SLC17A4: variants seen among roughly 807,000 people sequenced by gnomAD.
The protein encoded by SLC17A4 is solute carrier family 17 member 4.
A neutral mutation model predicts 52.5 loss-of-function variants in SLC17A4; 33 were observed. The ratio of observed to expected loss-of-function variants is 0.63; its 90% CI spans 0.48 to 0.84. SLC17A4 has a LOEUF of 0.84. Among genes scored for constraint, SLC17A4 ranks in the 40% least tolerant of loss-of-function variants. The pLI is 0.00. For synonymous variants in SLC17A4, 225 were observed against 216.2 expected, an observed-to-expected ratio of 1.04 and a Z score of -0.36; for missense variants, 585 against 597.1, an observed-to-expected ratio of 0.98 and a Z score of 0.21.
chr6:25,776,103 T>C (rs768547088), intron 8 of SLC17A4, among the ~76,000 whole-genome samples: 6 of 152,078 alleles, frequency 3.9e-5, no homozygotes, highest in Non-Finnish European at 8.8e-5. Context: ...GCACCAGTAA[T>C]ATTTGTGAGA....
rs926259999 is a variant in SLC17A4, at chr6:25,759,012, G to C, written c.-36-2915G>C. 2.0e-5 allele frequency among the ~76,000 whole-genome samples: 3 copies of C among 152,134 alleles called. No homozygotes were observed. In the East Asian group the frequency reaches 5.8e-4, roughly 29 times the overall value. On this transcript the variant is annotated intron_variant, in intron 1 of 11. Coordinates refer to ENST00000377905, the MANE Select transcript of SLC17A4 (RefSeq NM_005495.3). ...TAGGTTATGTCACGGTTGTCGTTCA[G>C]TTCAAAGAATTTTTTAATTTTCATC...
At chr6:25,760,718 T>G (rs1761457174) in intron 1 of SLC17A4, among the ~76,000 whole-genome samples, 1 of 152,216 alleles carries the variant, frequency 6.6e-6, no homozygotes, top group Non-Finnish European at 1.5e-5. Flanking sequence ...CCGTTGATTT[T>G]GCTAATTCTT....
chr6:25,773,622 T>C lies in SLC17A4; in HGVS notation c.935T>C (p.Met312Thr), dbSNP rs780533228. The change falls in exon 8 of 12, where the codon ATG becomes ACG. Residue 312 changes from methionine (M) to threonine (T), a missense_variant. Coordinates refer to ENST00000377905, the MANE Select transcript of SLC17A4 (RefSeq NM_005495.3). ...GAATACTGGCTTTTTTATACCATTA[T>C]GGCGTACACACCAACGTACATCAGC... is the stretch of plus-strand genomic sequence containing the variant. The part of the protein sequence containing the change: ...FCEYWLFYTI[M>T]AYTPTYISSV... The C allele has an allele frequency of 1.9e-6, 3 of 1,613,864 alleles. No homozygotes were observed. Among genetic ancestry groups the C allele is most frequent in the East Asian group, 2.2e-5 (1 of 44,886 alleles).
In SLC17A4 at chr6:25,769,159, G is replaced by A; in HGVS notation, c.266G>A (p.Trp89Ter). ...ERPSTDSQGY[W>*]NETLKEFKAM... ...CCCTCCACTGACTCCCAGGGCTACT[G>A]GAATGAAACTCTAAAAGAATTTAAA... The change falls in exon 3 of 12, where the codon TGG (tryptophan) becomes TAG (stop). Residue 89 changes from tryptophan (W) to a stop codon, truncating the protein, a stop_gained. Coordinates refer to ENST00000377905, the MANE Select transcript of SLC17A4 (RefSeq NM_005495.3). LOFTEE classifies it high-confidence loss of function. 6.2e-7 allele frequency: 1 copy of A among 1,613,924 alleles called. No homozygotes were observed. The highest frequency in any genetic ancestry group is 1.7e-4 in the Middle Eastern group (1 of 6,060).
chr6:25,769,518 A>C (rs1050318335), intron 3 of SLC17A4, among the ~76,000 whole-genome samples: 1 of 151,858 alleles, frequency 6.6e-6, no homozygotes, highest in African/African-American at 2.4e-5. Flanking sequence ...AGATCGTGCC[A>C]CTGCACTCCG....
chr6:25,754,811 A>G (rs1760862871), intron 1 of SLC17A4, 30 bp downstream of exon 1: 1 of 152,112 alleles, frequency 6.6e-6, no homozygotes, highest in East Asian at 1.9e-4. Context: ...TTTACCCTTA[A>G]TATTCTGCTT....
chr6:25,769,727 A>T (rs977151800), intron 3 of SLC17A4, among the ~76,000 whole-genome samples: 1 of 152,148 alleles, frequency 6.6e-6, no homozygotes, highest in Non-Finnish European at 1.5e-5. Flanking sequence ...TACAATGATG[A>T]AAATCACTAC....
chr6:25,760,444 G>A (rs1761435377), intron 1 of SLC17A4, among the ~76,000 whole-genome samples: 1 of 151,982 alleles, frequency 6.6e-6, no homozygotes, highest in African/African-American at 2.4e-5. Context: ...ATATGTTTAG[G>A]TGTAAATTTC....
At chr6:25,770,811 A>G in intron 5 of SLC17A4, 115 bp from the exon 6 acceptor site, 1 of 796,294 alleles carries the variant, frequency 1.3e-6, no homozygotes, top group Non-Finnish European at 2.2e-6. Flanking sequence ...AGGAACCTAG[A>G]TAGTTTGGCT....
At chr6:25,763,106 T>C (rs1325158947) in intron 2 of SLC17A4, among the ~76,000 whole-genome samples, 4 of 152,202 alleles carry the variant, frequency 2.6e-5, no homozygotes, top group Non-Finnish European at 5.9e-5. Flanking sequence ...TGGGCAGTCA[T>C]TGGAAAGTTC....
rs890408181 is a variant in SLC17A4 at position 25,759,069 on chromosome 6, G to T, written c.-36-2858G>T. The stretch of plus-strand genomic sequence containing the variant: ...TCATTGTTGAGCCAATGATCATTTA[G>T]GAGCAGCTTATTTAATTTCCATGTA... On this transcript the variant is annotated intron_variant, in intron 1 of 11. Transcript: ENST00000377905. Among the ~76,000 whole-genome samples, 5 of 152,230 alleles carry T rather than the reference G, an allele frequency of 3.3e-5. No homozygotes were observed. The East Asian group carries it at 9.7e-4, about 29-fold the overall frequency.
intron 2 of SLC17A4, among the ~76,000 whole-genome samples, chr6:25,762,598 G>A (rs189185894): frequency 7.9e-5 from 12 of 152,182 alleles, no homozygotes; most frequent in Admixed American, 7.2e-4. Context: ...TTCTTTTAAG[G>A]ATATAGTCAT....
chr6:25,777,766 C>T (rs116126003), intron 10 of SLC17A4, 160 bp from the exon 11 acceptor site: 6,329 of 608,732 alleles, frequency 0.01, 149 homozygotes, highest in East Asian at 0.075. Flanking sequence ...CCAAGGCTTA[C>T]ACAATTCCAG....
intron 2 of SLC17A4, among the ~76,000 whole-genome samples, chr6:25,768,745 C>T (rs909003298): frequency 5.9e-5 from 9 of 152,146 alleles, no homozygotes; most frequent in African/African-American, 2.2e-4. Flanking sequence ...AAGCTCTCCC[C>T]TAATGCTTGT....
chr6:25,779,266 G>A lies in SLC17A4; in HGVS notation c.*78G>A, dbSNP rs980765541. ...TCACAGACATTTCTCTTTCATGCCT[G>A]CTTGACTGATAAGCCATTAGCTAGA... On this transcript the variant is annotated 3_prime_UTR_variant, in exon 12 of 12. Transcript: ENST00000377905. 1.2e-5 allele frequency: 19 copies of A among 1,574,932 alleles called. No homozygotes were observed. In the African/African-American group the frequency reaches 2.0e-4, roughly 17 times the overall value.
chr6:25,777,010 A>T, intron 10 of SLC17A4, 51 bp downstream of exon 10: 5 of 1,554,278 alleles, frequency 3.2e-6, no homozygotes, highest in Non-Finnish European at 4.3e-6. Context: ...CAAGTCTAGC[A>T]GCCCTAAATC....
At chr6:25,775,096 G>A (rs887813327) in intron 8 of SLC17A4, among the ~76,000 whole-genome samples, 30 of 152,180 alleles carry the variant, frequency 2.0e-4, no homozygotes, top group African/African-American at 6.8e-4. Flanking sequence ...TTGGGAGGAT[G>A]AGGCAGGTGG....
chr6:25,776,997 A>C, intron 10 of SLC17A4, 38 bp downstream of exon 10: 1 of 1,569,270 alleles, frequency 6.4e-7, no homozygotes, highest in Non-Finnish European at 8.6e-7. Context: ...CAGACACTCA[A>C]TTCAAGTCTA....
rs150942022 is a variant in SLC17A4 at position 25,762,001 on chromosome 6, C to T, written c.39C>T (p.Asp13=). The change falls in exon 2 of 12, where the codon GAC becomes GAT. Residue 13 remains aspartate (D), a synonymous_variant. Coordinates refer to ENST00000377905, the MANE Select transcript of SLC17A4 (RefSeq NM_005495.3). ...CAGATGTCAAGGCTACAGTGGGGGA[C>T]ATTTCCAGTGATGGCAATTTAAACG... The part of the protein sequence containing the change: ...TGPDVKATVG[D]ISSDGNLNVA... 2.5e-6 allele frequency: 4 copies of T among 1,613,166 alleles called. No individual in the cohort carries two copies. The African/African-American group carries it at 5.3e-5, about 22-fold the overall frequency.
Sources: gnomAD v4.1 joint callset for allele counts (sites outside exome capture counted in the v4.1 genomes callset) on GRCh38, gnomAD v4.1.1 for gene constraint, MANE v1.5 for transcripts, NCBI Gene and HGNC (gene_info 2026-07-23, HGNC 2026-07-21) for gene names.